MERTK: variants seen among roughly 807,000 people sequenced by gnomAD.
MERTK encodes tyrosine-protein kinase Mer.
Under a neutral mutation model 99.3 loss-of-function variants are expected in MERTK, and 69 were observed. The observed-to-expected ratio is 0.70, with a 90% CI of 0.57 to 0.85. The LOEUF is 0.85. Ranked by LOEUF, MERTK falls within the 40% of genes least tolerant of loss-of-function variation. The pLI, the probability that MERTK is intolerant of heterozygous loss-of-function variation, is 0.00. For missense variants in MERTK, 1,125 were observed against 1,249.4 expected (o/e 0.90, Z 1.50); for synonymous variants, 426 against 467.6 (o/e 0.91, Z 1.15).
chr2:111,914,280 T>C (rs1684308937), intron 1 of MERTK, among the ~76,000 whole-genome samples: 2 of 151,688 alleles, frequency 1.3e-5, no homozygotes, highest in Non-Finnish European at 2.9e-5. Context: ...ATTTTTGTAT[T>C]TTTGTTTGTT....
chr2:111,999,188 C>T (rs969413584), intron 10 of MERTK, among the ~76,000 whole-genome samples: 4 of 152,118 alleles, frequency 2.6e-5, no homozygotes, highest in African/African-American at 9.7e-5. Flanking sequence ...CCTAAGGTAA[C>T]TTGAGATTAA....
At chr2:112,019,905 AC>A (rs1186860052) in intron 16 of MERTK, among the ~76,000 whole-genome samples, 1 of 152,240 alleles carries the variant, frequency 6.6e-6, no homozygotes, top group African/African-American at 2.4e-5. Flanking sequence ...AGTTTTCACA[AC>A]ACTTCCTTAG....
Position 111,945,061 on chromosome 2 carries a change from G to A in MERTK, c.583+1G>A. ...GATCCCATCTACATCGAAGTACAAG[G>A]TAAGTCCACAGACCAGAGTCCCATT... is the stretch of plus-strand genomic sequence containing the variant. On this transcript the variant is annotated splice_donor_variant, in intron 3 of 18. Transcript: ENST00000295408. LOFTEE classifies it high-confidence loss of function. 1.2e-6 allele frequency: 2 copies of A among 1,610,564 alleles called. No homozygotes were observed. Among genetic ancestry groups the A allele is most frequent in the Non-Finnish European group, 1.7e-6 (2 of 1,177,084 alleles).
chr2:111,951,817 G>A (rs1210764327), intron 4 of MERTK, among the ~76,000 whole-genome samples: 1 of 151,776 alleles, frequency 6.6e-6, no homozygotes, highest in African/African-American at 2.4e-5. Flanking sequence ...CAATCAGAAT[G>A]CATTAATTTA....
Position 111,898,617 on chromosome 2 carries a change from C to A in MERTK, c.-119C>A. 2 of 1,252,674 alleles carry A rather than the reference C, an allele frequency of 1.6e-6. No individual in the cohort carries two copies. The highest frequency in any genetic ancestry group is 2.3e-6 in the Non-Finnish European group (2 of 882,264). 77.6% of individuals were successfully genotyped at this position (1,252,674 alleles called of 1,614,324 possible). ...CCGCTTGGCTCCGCCACTCGGCACT[C>A]ACTGCCCGGGCCGCCCGGACAGGGA... On this transcript the variant is annotated 5_prime_UTR_variant, in exon 1 of 19. Coordinates refer to ENST00000295408, the MANE Select transcript of MERTK (RefSeq NM_006343.3).
chr2:112,008,217 A>G (rs1677024492), intron 13 of MERTK, among the ~76,000 whole-genome samples, 166 bp from the exon 14 acceptor site: 1 of 151,794 alleles, frequency 6.6e-6, no homozygotes, highest in Non-Finnish European at 1.5e-5. Context: ...CCCCTCTCTT[A>G]TCTCCCCTAG....
intron 2 of MERTK, among the ~76,000 whole-genome samples, chr2:111,930,962 G>A (rs1222575593): frequency 1.3e-5 from 2 of 152,164 alleles, no homozygotes; most frequent in African/African-American, 2.4e-5. Flanking sequence ...CACAAAATGA[G>A]GTCAGAGCCA....
intron 4 of MERTK, among the ~76,000 whole-genome samples, chr2:111,957,464 AC>A (rs537576450): frequency 2.6e-5 from 4 of 150,960 alleles, no homozygotes; most frequent in Admixed American, 6.6e-5. Context: ...CACCTCTGAT[AC>A]CCCCCCGCCC....
intron 15 of MERTK, among the ~76,000 whole-genome samples, chr2:112,015,252 T>G (rs1024037353): frequency 6.6e-5 from 10 of 152,212 alleles, no homozygotes; most frequent in African/African-American, 2.4e-4. Context: ...AAGAACTGTT[T>G]TCCAGAGAGG....
chr2:111,899,338 G>T (rs1230829243), intron 1 of MERTK, among the ~76,000 whole-genome samples: 1 of 152,156 alleles, frequency 6.6e-6, no homozygotes, highest in Non-Finnish European at 1.5e-5. Flanking sequence ...GCCAGGGGGG[G>T]ACGGCAGTCC....
intron 2 of MERTK, among the ~76,000 whole-genome samples, chr2:111,941,736 T>C (rs183643831): frequency 7.9e-5 from 12 of 152,278 alleles, no homozygotes; most frequent in African/African-American, 2.9e-4. Flanking sequence ...TGCTGTAATA[T>C]AGGTGGCATG....
chr2:112,004,527 A>G (rs1676941897), intron 13 of MERTK, among the ~76,000 whole-genome samples: 1 of 152,226 alleles, frequency 6.6e-6, no homozygotes, highest in Admixed American at 6.5e-5. Context: ...CTTCCAAGCA[A>G]GCTGGGAAGA....
chr2:111,973,999 A>AG (rs1036345899), intron 6 of MERTK, among the ~76,000 whole-genome samples: 1 of 151,186 alleles, frequency 6.6e-6, no homozygotes, highest in Non-Finnish European at 1.5e-5. Context: ...ATCAAAAAAA[A>AG]AAAAAAAAAA....
At chr2:111,907,363 G>A (rs754207432) in intron 1 of MERTK, among the ~76,000 whole-genome samples, 2 of 152,166 alleles carry the variant, frequency 1.3e-5, no homozygotes, top group East Asian at 1.9e-4. Flanking sequence ...GCAGTGAGCC[G>A]AGATTGTGCC....
intron 8 of MERTK, among the ~76,000 whole-genome samples, chr2:111,986,923 C>T (rs1333535761): frequency 6.6e-6 from 1 of 152,112 alleles, no homozygotes; most frequent in Non-Finnish European, 1.5e-5. Context: ...CAAATAAGAA[C>T]ATGGAAGAAA....
chr2:111,942,198 C>T (rs1245957745), intron 2 of MERTK, among the ~76,000 whole-genome samples: 3 of 152,234 alleles, frequency 2.0e-5, no homozygotes, highest in African/African-American at 4.8e-5. Context: ...CAAGTGTCCT[C>T]AGTCTGTCCG....
At chr2:111,996,223 A>G (rs1676735713) in intron 9 of MERTK, 1 of 154,316 alleles carries the variant, frequency 6.5e-6, no homozygotes, top group South Asian at 2.0e-4. Context: ...CCCATTCCCC[A>G]AAAATATAGT....
intron 8 of MERTK, among the ~76,000 whole-genome samples, chr2:111,991,175 C>T (rs1178306604): frequency 6.6e-6 from 1 of 152,174 alleles, no homozygotes; most frequent in African/African-American, 2.4e-5. Flanking sequence ...AAATTAAACA[C>T]AGAATGACCA....
chr2:111,919,580 G>A (rs1409099021), intron 1 of MERTK, among the ~76,000 whole-genome samples: 1 of 152,036 alleles, frequency 6.6e-6, no homozygotes, highest in Non-Finnish European at 1.5e-5. Context: ...TAGGGACATG[G>A]ACATTGCAGT....
Sources: gnomAD v4.1 joint callset for allele counts (sites outside exome capture counted in the v4.1 genomes callset) on GRCh38, gnomAD v4.1.1 for gene constraint, MANE v1.5 for transcripts, NCBI Gene and HGNC (gene_info 2026-07-23, HGNC 2026-07-21) for gene names.